The following CRADD variants were observed in gnomAD, a reference collection of about 807,000 sequenced individuals.
CRADD encodes the protein CARD and death domain containing adaptor protein.
Under a neutral mutation model 15.5 loss-of-function variants are expected in CRADD, and 9 were observed. That is an observed-to-expected ratio of 0.58 (90% confidence interval 0.35 to 1.01). The LOEUF is 1.01. Ranked by LOEUF, CRADD falls within the 50% of genes least tolerant of loss-of-function variation. The probability of loss-of-function intolerance (pLI) is 0.02; values close to 1 mark genes in which losing one functional copy is unlikely to be tolerated. For synonymous variants in CRADD, 118 were observed against 107.6 expected, an observed-to-expected ratio of 1.10 and a Z score of -0.60; for missense variants, 227 against 250.3, an observed-to-expected ratio of 0.91 and a Z score of 0.63.
chr12:93,825,937 C>T (rs1161165585), intron 2 of CRADD, among the ~76,000 whole-genome samples: 1 of 152,194 alleles, frequency 6.6e-6, no homozygotes, highest in South Asian at 2.1e-4. Flanking sequence ...AAAAGTGAGA[C>T]AAATACATCC....
chr12:93,880,274 C>T lies in CRADD; in HGVS notation c.299-13776C>T, dbSNP rs80041390. Among the ~76,000 whole-genome samples, 447 of 152,148 alleles carry T rather than the reference C, an allele frequency of 2.9e-3. 3 individuals carry two copies. The highest frequency in any genetic ancestry group is 9.8e-3 in the African/African-American group (407 of 41,520). On this transcript the variant is annotated intron_variant, in intron 2 of 2. Coordinates refer to the CRADD transcript ENST00000548483. ...GCTTAGTGCACCACCTTGAACCAAC[C>T]CCTTTTTTTTTCTTCAAGTGGAAGA... is the stretch of plus-strand genomic sequence containing the variant.
chr12:93,698,224 G>A (rs527926640), intron 2 of CRADD, among the ~76,000 whole-genome samples: 1 of 152,080 alleles, frequency 6.6e-6, no homozygotes, highest in South Asian at 2.1e-4. Flanking sequence ...CATCATTACT[G>A]TTGGAAATTC....
In CRADD at chr12:93,890,539, G is replaced by T. The variant is rs539086481; in HGVS notation, c.299-3511G>T. On this transcript the variant is annotated intron_variant, in intron 2 of 2. Transcript: ENST00000548483. Reference sequence around the variant, plus strand: ...GGACCTCTGTCCGTGCAGGAAGGAGGTTAGATCTGGAGGGGAAGGGCAGGA... The same window carrying T: ...GGACCTCTGTCCGTGCAGGAAGGAGTTTAGATCTGGAGGGGAAGGGCAGGA... 5.3e-5 allele frequency among the ~76,000 whole-genome samples: 8 copies of T among 152,258 alleles called. No individual in the cohort carries two copies. The East Asian group carries it at 1.5e-3, about 29-fold the overall frequency.
chr12:93,720,932 G>T (rs1038253992), intron 2 of CRADD, among the ~76,000 whole-genome samples: 1 of 152,100 alleles, frequency 6.6e-6, no homozygotes, highest in Non-Finnish European at 1.5e-5. Context: ...TGGGTATATA[G>T]TTGGATACCT....
At chr12:93,766,723 A>G (rs1391837757) in intron 2 of CRADD, among the ~76,000 whole-genome samples, 1 of 152,182 alleles carries the variant, frequency 6.6e-6, no homozygotes, top group East Asian at 1.9e-4. Flanking sequence ...CAGAAGACAG[A>G]TGGTTTTAGT....
intron 2 of CRADD, among the ~76,000 whole-genome samples, chr12:93,766,595 C>T (rs1183353838): frequency 6.6e-6 from 1 of 152,140 alleles, no homozygotes; most frequent in Admixed American, 6.5e-5. Flanking sequence ...TGGCAGTGCT[C>T]CTAATGCTTT....
chr12:93,821,473 A>G (rs959530266), intron 2 of CRADD, among the ~76,000 whole-genome samples: 4 of 152,224 alleles, frequency 2.6e-5, no homozygotes, highest in East Asian at 1.9e-4. Context: ...CTGTTGAACC[A>G]TAGCTACCTC....
intron 2 of CRADD, among the ~76,000 whole-genome samples, chr12:93,889,669 A>G (rs1409200305): frequency 6.6e-6 from 1 of 152,164 alleles, no homozygotes; most frequent in Non-Finnish European, 1.5e-5. Context: ...TAGCCCAATC[A>G]GGCCCCAGCT....
At chr12:93,848,798 G>C (rs1383403367) in intron 2 of CRADD, 2 of 152,186 alleles carry the variant, frequency 1.3e-5, no homozygotes, top group Admixed American at 1.3e-4. Flanking sequence ...ACTGCTCACT[G>C]GTTTTGCTGG....
At chr12:93,798,144 T>G (rs12308938) in intron 2 of CRADD, among the ~76,000 whole-genome samples, 47,649 of 152,050 alleles carry the variant, frequency 0.31, 7,752 homozygotes, top group East Asian at 0.54. Context: ...GTTTTCTCTG[T>G]TTTAACCCTT....
At chr12:93,682,717 G>A (rs1396944657) in intron 2 of CRADD, among the ~76,000 whole-genome samples, 4 of 151,712 alleles carry the variant, frequency 2.6e-5, no homozygotes, top group Non-Finnish European at 4.4e-5. Context: ...TCTTCTGAAC[G>A]CCACCCCCAT....
chr12:93,761,311 C>T (rs750641092), intron 2 of CRADD, among the ~76,000 whole-genome samples: 4 of 151,988 alleles, frequency 2.6e-5, no homozygotes, highest in South Asian at 2.1e-4. Context: ...GAAGGGTACA[C>T]GGGGGAGAAG....
At chr12:93,704,237 G>A (rs1955899215) in intron 2 of CRADD, among the ~76,000 whole-genome samples, 1 of 152,138 alleles carries the variant, frequency 6.6e-6, no homozygotes, top group South Asian at 2.1e-4. Context: ...TAGAAAGTCA[G>A]GTTCTAATTC....
intron 2 of CRADD, among the ~76,000 whole-genome samples, chr12:93,773,966 T>G (rs1957114546): frequency 6.6e-6 from 1 of 151,312 alleles, no homozygotes; most frequent in South Asian, 2.1e-4. Flanking sequence ...CCCAAGTAGC[T>G]GGGACTACAG....
At chr12:93,785,859 G>A (rs1217541313) in intron 2 of CRADD, among the ~76,000 whole-genome samples, 1 of 152,154 alleles carries the variant, frequency 6.6e-6, no homozygotes, top group East Asian at 1.9e-4. Flanking sequence ...TGACCCTTTG[G>A]CCTTAAATTC....
intron 2 of CRADD, among the ~76,000 whole-genome samples, chr12:93,713,923 C>T (rs919329299): frequency 4.6e-5 from 7 of 152,090 alleles, no homozygotes; most frequent in African/African-American, 1.7e-4. Flanking sequence ...GACTGGCATT[C>T]ATTAGAACTT....
At chr12:93,739,960 T>C (rs893022120) in intron 2 of CRADD, among the ~76,000 whole-genome samples, 5 of 152,180 alleles carry the variant, frequency 3.3e-5, no homozygotes, top group African/African-American at 1.2e-4. Context: ...TTTTGAATCA[T>C]TTATTTTGGA....
intron 2 of CRADD, among the ~76,000 whole-genome samples, chr12:93,867,403 A>ATATATATATATATATTTT (rs985334638): frequency 7.0e-6 from 1 of 143,378 alleles, no homozygotes; most frequent in Admixed American, 7.0e-5. Flanking sequence ...ATATATATAT[A>ATATATATATATATATTTT]TTTTTTAAAC....
Position 93,791,895 on chromosome 12 carries a change from A to AT in CRADD, c.299-58055dup, listed in dbSNP as rs34088777. Among the ~76,000 whole-genome samples the AT allele has an allele frequency of 3.2e-3, 437 of 137,180 alleles. 3 individuals are homozygous for AT. Among genetic ancestry groups the AT allele is most frequent in the African/African-American group, 8.8e-3 (328 of 37,086 alleles). The allele number at this position is 137,180 out of a possible 152,430, so 90.0% of individuals were successfully genotyped here. On this transcript the variant is annotated intron_variant, in intron 2 of 2. Transcript: ENST00000332896. The stretch of plus-strand genomic sequence containing the variant: ...GAAAACATGCAAATAGTCCTAATGG[A>AT]TTTTTTTTTTTTTTTTTTTTAGTCT...
Sources: gnomAD v4.1 joint callset for allele counts (sites outside exome capture counted in the v4.1 genomes callset) on GRCh38, gnomAD v4.1.1 for gene constraint, MANE v1.5 for transcripts, NCBI Gene and HGNC (gene_info 2026-07-23, HGNC 2026-07-21) for gene names.